Variants in UMAD1 observed in about 807,000 individuals in gnomAD.
The protein encoded by UMAD1 is UBAP1-MVB12-associated (UMA)-domain containing protein 1.
A neutral mutation model predicts 6.1 loss-of-function variants in UMAD1; 8 were observed. The ratio of observed to expected loss-of-function variants is 1.30; its 90% confidence interval spans 0.76 to 2.35. The LOEUF (loss-of-function observed/expected upper bound fraction) is 2.35, where lower values mean the gene tolerates loss of function less well. Among genes scored for constraint, UMAD1 ranks in the 30% most tolerant of loss-of-function variants. UMAD1 has a pLI of 0.00. For synonymous variants in UMAD1, 56 were observed against 31.4 expected, an observed-to-expected ratio of 1.78 and a Z score of -2.61; for missense variants, 130 against 78.4, an observed-to-expected ratio of 1.66 and a Z score of -2.49.
intron 3 of UMAD1, among the ~76,000 whole-genome samples, chr7:7,842,340 G>T (rs781016337): frequency 2.0e-5 from 3 of 151,902 alleles, no homozygotes; most frequent in Admixed American, 2.0e-4. Flanking sequence ...TTTTATCATC[G>T]TTTATTTTTT....
intron 2 of UMAD1, among the ~76,000 whole-genome samples, chr7:7,714,565 C>A (rs970485489): frequency 4.6e-5 from 7 of 152,170 alleles, no homozygotes; most frequent in African/African-American, 1.7e-4. Context: ...GACTTAGGAT[C>A]TAGGAATCAG....
At chr7:7,705,663 G>A (rs947074022) in intron 2 of UMAD1, among the ~76,000 whole-genome samples, 2 of 152,154 alleles carry the variant, frequency 1.3e-5, no homozygotes, top group African/African-American at 4.8e-5. Context: ...AGAACTGAAT[G>A]TTTTTAGGAT....
At chr7:7,866,350 T>C (rs1015739668) in intron 3 of UMAD1, among the ~76,000 whole-genome samples, 1 of 151,888 alleles carries the variant, frequency 6.6e-6, no homozygotes, top group African/African-American at 2.4e-5. Context: ...TCTAGTCGAG[T>C]GTGATGTGTG....
rs1019736154 is a variant in UMAD1, at chr7:7,879,155, T to TA, written c.*1623dup. The TA allele has an allele frequency of 6.6e-6, 1 of 152,192 alleles. No homozygotes were observed. The highest frequency in any genetic ancestry group is 1.5e-5 in the Non-Finnish European group (1 of 68,024). 9.4% of individuals were successfully genotyped at this position (152,192 alleles called of 1,614,324 possible). On this transcript the variant is annotated 3_prime_UTR_variant, in exon 4 of 4. Transcript: ENST00000682710. ...GTTCATAAGTACCTTCATGTGTCTA[T>TA]AAAAAATGTTATATTTAAATAAATG...
At chr7:7,749,452 T>C (rs1336366603) in intron 2 of UMAD1, among the ~76,000 whole-genome samples, 1 of 152,212 alleles carries the variant, frequency 6.6e-6, no homozygotes, top group Admixed American at 6.5e-5. Flanking sequence ...GGAACATTAG[T>C]TAATGCCTTT....
intron 2 of UMAD1, among the ~76,000 whole-genome samples, chr7:7,781,801 T>C (rs1432352466): frequency 6.6e-6 from 1 of 152,052 alleles, no homozygotes; most frequent in African/African-American, 2.4e-5. Flanking sequence ...TCTGTGAACA[T>C]TTAATTTATA....
intron 3 of UMAD1, among the ~76,000 whole-genome samples, chr7:7,826,697 C>A (rs57234850): frequency 1.3e-5 from 2 of 152,122 alleles, no homozygotes; most frequent in Admixed American, 6.6e-5. Flanking sequence ...AACCCACCCC[C>A]CTTTAAGTAA....
chr7:7,656,922 C>A (rs182650115), intron 1 of UMAD1, among the ~76,000 whole-genome samples: 22 of 152,222 alleles, frequency 1.4e-4, no homozygotes, highest in Admixed American at 4.6e-4. Context: ...CTAATTTACA[C>A]TTCCACCAAC....
intron 2 of UMAD1, among the ~76,000 whole-genome samples, chr7:7,690,866 A>G (rs780114011): frequency 1.1e-4 from 16 of 152,212 alleles, no homozygotes; most frequent in Admixed American, 5.9e-4. Flanking sequence ...CAGAAATTCA[A>G]TTATGACTTA....
At chr7:7,868,195 A>T (rs115086666) in intron 3 of UMAD1, 1 of 152,208 alleles carries the variant, frequency 6.6e-6, no homozygotes, top group Non-Finnish European at 1.5e-5. Flanking sequence ...AACAATTTTT[A>T]AAAAATCACT....
At chr7:7,790,622 C>T (rs537574924) in intron 2 of UMAD1, among the ~76,000 whole-genome samples, 2 of 152,266 alleles carry the variant, frequency 1.3e-5, no homozygotes, top group East Asian at 3.9e-4. Flanking sequence ...TTTAGGCTTA[C>T]CTGAGTTCTT....
At chr7:7,786,458 A>T (rs1782462810) in intron 2 of UMAD1, among the ~76,000 whole-genome samples, 1 of 152,190 alleles carries the variant, frequency 6.6e-6, no homozygotes, top group Admixed American at 6.5e-5. Context: ...TACATTACTG[A>T]AAATGTCAAC....
chr7:7,659,613 T>G (rs886702905), intron 1 of UMAD1, among the ~76,000 whole-genome samples: 1 of 152,198 alleles, frequency 6.6e-6, no homozygotes, highest in Non-Finnish European at 1.5e-5. Context: ...AGTTGTGCAG[T>G]TTTGAGTGAG....
intron 2 of UMAD1, among the ~76,000 whole-genome samples, chr7:7,777,272 T>C (rs1449675892): frequency 1.3e-5 from 2 of 151,910 alleles, no homozygotes; most frequent in Non-Finnish European, 2.9e-5. Context: ...TTTGGGTGGC[T>C]GAGGCGGGCA....
At chr7:7,749,873 TA>T in intron 2 of UMAD1, among the ~76,000 whole-genome samples, 1 of 152,180 alleles carries the variant, frequency 6.6e-6, no homozygotes, top group Non-Finnish European at 1.5e-5. Flanking sequence ...AAGTAACTAC[TA>T]ATGAAAGGAC....
intron 2 of UMAD1, among the ~76,000 whole-genome samples, chr7:7,756,688 T>C (rs1781785439): frequency 6.6e-6 from 1 of 152,232 alleles, no homozygotes; most frequent in South Asian, 2.1e-4. Context: ...GTTAAGTTTC[T>C]CAATCTGTTT....
chr7:7,677,883 C>T (rs896174140), intron 2 of UMAD1, among the ~76,000 whole-genome samples: 3 of 151,284 alleles, frequency 2.0e-5, no homozygotes, highest in Admixed American at 6.6e-5. Flanking sequence ...CCGTTTTAGC[C>T]GGGATGGTCT....
intron 2 of UMAD1, among the ~76,000 whole-genome samples, chr7:7,732,217 G>T (rs147017496): frequency 6.6e-6 from 1 of 151,850 alleles, no homozygotes; most frequent in Non-Finnish European, 1.5e-5. Flanking sequence ...TTTGTTAAAC[G>T]TAAAAGAGTA....
chr7:7,821,181 C>T (rs1783235709), intron 3 of UMAD1, among the ~76,000 whole-genome samples: 1 of 152,068 alleles, frequency 6.6e-6, no homozygotes, highest in Admixed American at 6.6e-5. Context: ...TTTCCCCCCA[C>T]CCCCAAGTTT....
Sources: gnomAD v4.1 joint callset for allele counts (sites outside exome capture counted in the v4.1 genomes callset) on GRCh38, gnomAD v4.1.1 for gene constraint, MANE v1.5 for transcripts, NCBI Gene and HGNC (gene_info 2026-07-23, HGNC 2026-07-21) for gene names.